The following NUDT19 variants were observed in gnomAD, a reference collection of about 807,000 sequenced individuals.
NUDT19 encodes acyl-coenzyme A diphosphatase NUDT19.
Under a neutral mutation model 22.2 loss-of-function variants are expected in NUDT19, and 31 were observed. The ratio of observed to expected loss-of-function variants is 1.40; its 90% CI spans 1.05 to 1.89. NUDT19 has a LOEUF of 1.89. Among genes scored for constraint, NUDT19 ranks in the 40% most tolerant of loss-of-function variants. NUDT19 has a pLI of 0.00. For synonymous variants in NUDT19, 325 were observed against 230.8 expected, an observed-to-expected ratio of 1.41 and a Z score of -3.70; for missense variants, 752 against 514.2, an observed-to-expected ratio of 1.46 and a Z score of -4.47.
chr19:32,692,752 A>AG (rs1030262726), intron 1 of NUDT19, 78 bp downstream of exon 1: 60 of 1,172,982 alleles, frequency 5.1e-5, no homozygotes, highest in Non-Finnish European at 6.6e-5. Flanking sequence ...CAGGCCCCCA[A>AG]GGGACCCCCG....
chr19:32,704,275 T>A (rs1358617014), intron 1 of NUDT19, among the ~76,000 whole-genome samples: 2 of 152,068 alleles, frequency 1.3e-5, no homozygotes, highest in Non-Finnish European at 2.9e-5. Context: ...CTTTTTTTTT[T>A]TTTTTAGACA....
At position 32,709,411 on chromosome 19, in the gene NUDT19, G is replaced by A. The variant is rs368843449; in HGVS notation, c.922+19G>A. The A allele has an allele frequency of 6.7e-5, 108 of 1,606,506 alleles. No homozygotes were observed. The African/African-American group carries it at 9.6e-4, about 14-fold the overall frequency. On this transcript the variant is annotated intron_variant, in intron 2 of 2. Transcript: ENST00000397061. Reference sequence around the variant, plus strand: ...TTACCAGGTAAACCAGTGAAGCATCGGTGCTTTTGTTAGTATTCACATTCA... The same window carrying A: ...TTACCAGGTAAACCAGTGAAGCATCAGTGCTTTTGTTAGTATTCACATTCA...
Position 32,692,434 on chromosome 19 carries a change from G to C in NUDT19, c.474G>C (p.Leu158=). Residue 158 remains leucine (L), a synonymous_variant, in exon 1 of 3, where the codon CTG becomes CTC. Transcript: ENST00000397061. ...CAGCACCCGGGCCTGGCCTCGCCCT[G>C]GAGCCACCGCCGGGCCTGGCCTCCT... The part of the protein sequence containing the change: ...PGPAPGPGLA[L]EPPPGLASWR... 3.9e-6 allele frequency: 6 copies of C among 1,551,394 alleles called. No individual in the cohort carries two copies. Among genetic ancestry groups the C allele is most frequent in the Non-Finnish European group, 5.2e-6 (6 of 1,155,054 alleles).
intron 1 of NUDT19, among the ~76,000 whole-genome samples, chr19:32,701,165 A>G (rs148799703): frequency 2.0e-5 from 3 of 150,978 alleles, no homozygotes; most frequent in East Asian, 1.9e-4. Flanking sequence ...GTAAAAATGT[A>G]AAATTAGGTT....
intron 1 of NUDT19, among the ~76,000 whole-genome samples, chr19:32,706,090 A>G (rs183262605): frequency 1.2e-3 from 183 of 152,290 alleles, no homozygotes; most frequent in Admixed American, 2.5e-3. Context: ...TGAATAAAGT[A>G]AAATACTAAT....
intron 1 of NUDT19, among the ~76,000 whole-genome samples, chr19:32,703,788 G>A (rs951058729): frequency 4.1e-5 from 6 of 147,206 alleles, no homozygotes; most frequent in South Asian, 4.4e-4. Context: ...TCAGCCTCCC[G>A]AGTAGCTGAG....
chr19:32,705,619 C>T (rs578219492), intron 1 of NUDT19, among the ~76,000 whole-genome samples: 2 of 146,180 alleles, frequency 1.4e-5, no homozygotes, highest in African/African-American at 2.5e-5. Context: ...TACTTTCACT[C>T]TGCCACCCAG....
chr19:32,694,629 T>G (rs1275561338), intron 1 of NUDT19, among the ~76,000 whole-genome samples: 1 of 152,176 alleles, frequency 6.6e-6, no homozygotes, highest in East Asian at 1.9e-4. Flanking sequence ...GGGTCTGATG[T>G]CCATAAGATT....
At chr19:32,692,996 T>G (rs997226926) in intron 1 of NUDT19, among the ~76,000 whole-genome samples, 1 of 152,004 alleles carries the variant, frequency 6.6e-6, no homozygotes, top group African/African-American at 2.4e-5. Context: ...TTTGGTTTTC[T>G]TGGAGAACAG....
At position 32,692,171 on chromosome 19, in the gene NUDT19, G is replaced by A; in HGVS notation, c.211G>A (p.Asp71Asn). Residue 71 changes from aspartate (D) to asparagine (N), a missense_variant, in exon 1 of 3, where the codon GAC (aspartate) becomes AAC (asparagine). By Grantham distance (23) the Asp-to-Asn change is conservative. Coordinates refer to ENST00000397061, the MANE Select transcript of NUDT19 (RefSeq NM_001105570.2). The stretch of plus-strand genomic sequence containing the variant: ...CTCCGGCGGAGTGCTGGATGCGGCC[G>A]ACCGCTCGGCGGACTGGCTGGGCCT... The part of the protein sequence containing the change: ...VFSGGVLDAA[D>N]RSADWLGLFA... 6 of 1,537,008 alleles carry A rather than the reference G, an allele frequency of 3.9e-6. No individual in the cohort carries two copies. Among genetic ancestry groups the A allele is most frequent in the African/African-American group, 1.4e-5 (1 of 70,472 alleles).
intron 1 of NUDT19, among the ~76,000 whole-genome samples, chr19:32,698,602 C>T (rs1293411714): frequency 1.3e-5 from 2 of 152,158 alleles, no homozygotes; most frequent in Non-Finnish European, 2.9e-5. Context: ...GCAGAAACAA[C>T]CCCTGCCCAA....
intron 1 of NUDT19, among the ~76,000 whole-genome samples, chr19:32,697,966 G>A (rs947809971): frequency 3.3e-5 from 5 of 152,182 alleles, no homozygotes; most frequent in East Asian, 1.9e-4. Flanking sequence ...GGAAGGGGGC[G>A]TTTGTGATCC....
At position 32,693,796 on chromosome 19, in the gene NUDT19, G is replaced by A. The variant is rs558191806; in HGVS notation, c.714+1122G>A. Among the ~76,000 whole-genome samples the A allele has an allele frequency of 1.8e-4, 27 of 152,322 alleles. No homozygotes were observed. In the East Asian group the frequency reaches 5.0e-3, roughly 28 times the overall value. ...TGGTGCATTTACAAATCTTTAGCTA[G>A]ACAGAAAAGTTCTCCAAGTCCCCAC... is the stretch of plus-strand genomic sequence containing the variant. On this transcript the variant is annotated intron_variant, in intron 1 of 2. Coordinates refer to ENST00000397061, the MANE Select transcript of NUDT19 (RefSeq NM_001105570.2).
At chr19:32,702,404 CAGA>C (rs762851063) in intron 1 of NUDT19, among the ~76,000 whole-genome samples, 52,118 of 151,974 alleles carry the variant, frequency 0.34, 8,974 homozygotes, top group Middle Eastern at 0.4. Flanking sequence ...TGCCTTCAGC[CAGA>C]TCTGTTACCG....
chr19:32,694,650 A>G (rs1306798607), intron 1 of NUDT19, among the ~76,000 whole-genome samples: 1 of 152,158 alleles, frequency 6.6e-6, no homozygotes. Flanking sequence ...AGAAGTTAGG[A>G]TAATATGTGT....
chr19:32,703,529 A>G (rs1299090665), intron 1 of NUDT19, among the ~76,000 whole-genome samples: 1 of 150,054 alleles, frequency 6.7e-6, no homozygotes, highest in Non-Finnish European at 1.5e-5. Flanking sequence ...TTGTATTTTC[A>G]GTAGAGATGG....
At chr19:32,699,783 G>A (rs907608837) in intron 1 of NUDT19, among the ~76,000 whole-genome samples, 4 of 152,228 alleles carry the variant, frequency 2.6e-5, no homozygotes, top group Admixed American at 6.5e-5. Context: ...CAAGAATGAA[G>A]CTGCAGACCC....
chr19:32,710,893 C>CAA (rs35758892), intron 2 of NUDT19, among the ~76,000 whole-genome samples: 5,076 of 140,904 alleles, frequency 0.036, 131 homozygotes, highest in South Asian at 0.12. Flanking sequence ...AACTCCATCT[C>CAA]AAAAAAAAAA....
chr19:32,704,661 C>G (rs1011059604), intron 1 of NUDT19, among the ~76,000 whole-genome samples: 24 of 152,258 alleles, frequency 1.6e-4, no homozygotes, highest in African/African-American at 5.5e-4. Flanking sequence ...TTAATCCTTG[C>G]TATAATTTCT....
Sources: gnomAD v4.1 joint callset for allele counts (sites outside exome capture counted in the v4.1 genomes callset) on GRCh38, gnomAD v4.1.1 for gene constraint, MANE v1.5 for transcripts, NCBI Gene and HGNC (gene_info 2026-07-23, HGNC 2026-07-21) for gene names.